The following KCNMB2 variants were observed in gnomAD, a reference collection of about 807,000 sequenced individuals.
KCNMB2 encodes the protein calcium-activated potassium channel subunit beta-2.
Under a neutral mutation model 24.5 loss-of-function variants are expected in KCNMB2, and 9 were observed. That is an observed-to-expected ratio of 0.37 (90% CI 0.22 to 0.64). The LOEUF (loss-of-function observed/expected upper bound fraction) is 0.64. Among genes scored for constraint, KCNMB2 ranks in the 30% least tolerant of loss-of-function variants. The pLI is 0.63. For missense variants in KCNMB2, 226 were observed against 284.3 expected, an observed-to-expected ratio of 0.79 and a Z score of 1.47; for synonymous variants, 109 against 104.4, an observed-to-expected ratio of 1.04 and a Z score of -0.27.
At position 178,757,959 on chromosome 3, in the gene KCNMB2, G is replaced by C. The variant is rs1165890677; in HGVS notation, c.-67-49384G>C. On this transcript the variant is annotated intron_variant, in intron 1 of 4. Transcript: ENST00000452583. ...TACACAAGGGGATATATAGACACAA[G>C]AGGATATATATATAGACACAAGAGG... 5.9e-5 allele frequency among the ~76,000 whole-genome samples: 5 copies of C among 85,316 alleles called. 2 individuals carry two copies. The highest frequency in any genetic ancestry group is 2.6e-4 in the African/African-American group (5 of 18,964). The allele number at this position is 85,316 out of a possible 152,430, so 56.0% of individuals were successfully genotyped here.
At chr3:178,796,553 T>A (rs1335031314) in intron 1 of KCNMB2, among the ~76,000 whole-genome samples, 1 of 152,086 alleles carries the variant, frequency 6.6e-6, no homozygotes, top group African/African-American at 2.4e-5. Flanking sequence ...ATATCAAATA[T>A]CTTTTCTGAC....
At chr3:178,786,704 T>C (rs968898237) in intron 1 of KCNMB2, among the ~76,000 whole-genome samples, 8 of 152,140 alleles carry the variant, frequency 5.3e-5, no homozygotes, top group Non-Finnish European at 8.8e-5. Context: ...AACCTGCACG[T>C]TGTGCACATG....
At chr3:178,718,617 T>C (rs1722696042) in intron 1 of KCNMB2, among the ~76,000 whole-genome samples, 1 of 152,228 alleles carries the variant, frequency 6.6e-6, no homozygotes, top group African/African-American at 2.4e-5. Flanking sequence ...AGAAGTGGCA[T>C]AGATTAGGTG....
chr3:178,591,520 T>C (rs988955911), intron 1 of KCNMB2, among the ~76,000 whole-genome samples: 1 of 152,176 alleles, frequency 6.6e-6, no homozygotes, highest in South Asian at 2.1e-4. Flanking sequence ...CCGTCTCTCA[T>C]TGCTTTAAAT....
At position 178,757,321 on chromosome 3, in the gene KCNMB2, CAT is replaced by C. The variant is rs1319597825; in HGVS notation, c.-67-50013_-67-50012del. ...ATATATATATATCCATCCAAGAGGACATATATATATGTATATATATCCAAGAG... is the reference window on the plus strand; with the variant it reads ...ATATATATATATCCATCCAAGAGGACATATATATGTATATATATCCAAGAG... On this transcript the variant is annotated intron_variant, in intron 1 of 4. Coordinates refer to ENST00000452583, the MANE Select transcript of KCNMB2 (RefSeq NM_181361.3). Among the ~76,000 whole-genome samples, 11 of 80,934 alleles carry C rather than the reference CAT, an allele frequency of 1.4e-4. 1 individual carries two copies. The highest frequency in any genetic ancestry group is 3.3e-4 in the African/African-American group (7 of 21,284). The allele number at this position is 80,934 out of a possible 152,430, so 53.1% of individuals were successfully genotyped here.
chr3:178,670,957 C>T (rs901124434), intron 1 of KCNMB2, among the ~76,000 whole-genome samples: 8 of 152,196 alleles, frequency 5.3e-5, no homozygotes, highest in Admixed American at 2.0e-4. Flanking sequence ...CGCTGGAAGA[C>T]GTGGGTACAG....
chr3:178,590,198 A>G (rs1354427438), intron 1 of KCNMB2, among the ~76,000 whole-genome samples: 4 of 152,152 alleles, frequency 2.6e-5, no homozygotes, highest in African/African-American at 9.7e-5. Flanking sequence ...TCTCTTATTT[A>G]GTGCTGGAAG....
At chr3:178,792,778 T>C (rs917752218) in intron 1 of KCNMB2, among the ~76,000 whole-genome samples, 1 of 152,218 alleles carries the variant, frequency 6.6e-6, no homozygotes, top group African/African-American at 2.4e-5. Flanking sequence ...TATTCTTATA[T>C]TGTATGAAAG....
At chr3:178,691,127 T>TTTTTTTTTTTTTA (rs1721659605) in intron 1 of KCNMB2, among the ~76,000 whole-genome samples, 4 of 145,770 alleles carry the variant, frequency 2.7e-5, no homozygotes, top group Non-Finnish European at 6.0e-5. Context: ...TTTTTTTTTT[T>TTTTTTTTTTTTTA]GATAGAGACG....
At chr3:178,594,683 A>C (rs1465402716) in intron 1 of KCNMB2, among the ~76,000 whole-genome samples, 1 of 152,110 alleles carries the variant, frequency 6.6e-6, no homozygotes, top group Non-Finnish European at 1.5e-5. Context: ...CTGGAATTCA[A>C]GGGGGAGGCT....
At chr3:178,596,919 A>C (rs1717899035) in intron 1 of KCNMB2, among the ~76,000 whole-genome samples, 1 of 152,134 alleles carries the variant, frequency 6.6e-6, no homozygotes, top group Non-Finnish European at 1.5e-5. Context: ...CAGTTAATAC[A>C]TCCAATCCAT....
In KCNMB2 at chr3:178,759,199, G is replaced by T. The variant is rs1170849876; in HGVS notation, c.-67-48144G>T. 3.0e-5 allele frequency among the ~76,000 whole-genome samples: 3 copies of T among 100,718 alleles called. No homozygotes were observed. The East Asian group carries it at 8.6e-4, about 29-fold the overall frequency. 66.1% of individuals were successfully genotyped at this position (100,718 alleles called of 152,430 possible). ...TATATATATATCTATCTCCAAGAGG[G>T]ATATATATATATAATATATCTATCT... On this transcript the variant is annotated intron_variant, in intron 1 of 4. Transcript: ENST00000452583.
At chr3:178,722,188 T>C (rs1722828911) in intron 1 of KCNMB2, among the ~76,000 whole-genome samples, 2 of 152,196 alleles carry the variant, frequency 1.3e-5, no homozygotes, top group African/African-American at 4.8e-5. Flanking sequence ...CTATCATATA[T>C]TTTTAGTTAA....
chr3:178,798,734 T>A (rs182534265), intron 1 of KCNMB2, among the ~76,000 whole-genome samples: 260 of 151,056 alleles, frequency 1.7e-3, no homozygotes, highest in African/African-American at 6.1e-3. Context: ...GGGAGTGAGG[T>A]TGGGGGAGGG....
At chr3:178,793,732 C>A (rs182292627) in intron 1 of KCNMB2, among the ~76,000 whole-genome samples, 1 of 152,208 alleles carries the variant, frequency 6.6e-6, no homozygotes, top group African/African-American at 2.4e-5. Flanking sequence ...TGGCATGGGG[C>A]TATCAGGGAT....
At chr3:178,780,059 A>T (rs1292401851) in intron 1 of KCNMB2, among the ~76,000 whole-genome samples, 228 of 112,688 alleles carry the variant, frequency 2.0e-3, no homozygotes, top group Non-Finnish European at 4.0e-3. Context: ...TTTTTAAAAA[A>T]AAAAAAAAAA....
At chr3:178,643,336 T>C (rs1002873882) in intron 1 of KCNMB2, among the ~76,000 whole-genome samples, 1 of 152,144 alleles carries the variant, frequency 6.6e-6, no homozygotes, top group African/African-American at 2.4e-5. Context: ...ATTAAGTGTC[T>C]TGATTGTAGT....
At chr3:178,646,034 C>T (rs973785495) in intron 1 of KCNMB2, among the ~76,000 whole-genome samples, 1 of 152,172 alleles carries the variant, frequency 6.6e-6, no homozygotes, top group African/African-American at 2.4e-5. Flanking sequence ...CATCCATCTG[C>T]ATACAGTTAC....
At chr3:178,592,366 C>T (rs1717706210) in intron 1 of KCNMB2, among the ~76,000 whole-genome samples, 1 of 152,152 alleles carries the variant, frequency 6.6e-6, no homozygotes, top group Non-Finnish European at 1.5e-5. Context: ...AAGAGAGCAA[C>T]CACATCTGTT....
Sources: gnomAD v4.1 joint callset for allele counts (sites outside exome capture counted in the v4.1 genomes callset) on GRCh38, gnomAD v4.1.1 for gene constraint, MANE v1.5 for transcripts, NCBI Gene and HGNC (gene_info 2026-07-23, HGNC 2026-07-21) for gene names.